The following CHL1 variants were observed in gnomAD, a reference collection of about 807,000 sequenced individuals.
CHL1 encodes neural cell adhesion molecule L1-like protein.
A neutral mutation model predicts 141.9 loss-of-function variants in CHL1; 96 were observed. The observed-to-expected ratio is 0.68, with a 90% CI of 0.57 to 0.80. CHL1 has a LOEUF of 0.80. CHL1 is among the 30% of genes least tolerant of loss of function. The probability of loss-of-function intolerance (pLI) is 0.00; values close to 1 mark genes in which losing one functional copy is unlikely to be tolerated. For synonymous variants in CHL1, 613 were observed against 502.2 expected, an observed-to-expected ratio of 1.22 and a Z score of -2.95; for missense variants, 1,820 against 1,457.2, an observed-to-expected ratio of 1.25 and a Z score of -4.05.
At chr3:269,692 A>C (rs1378346630) in intron 2 of CHL1, among the ~76,000 whole-genome samples, 1 of 152,080 alleles carries the variant, frequency 6.6e-6, no homozygotes, top group Non-Finnish European at 1.5e-5. Flanking sequence ...TGCCCAGCTA[A>C]TTTTATCTTT....
At chr3:280,993 C>T (rs1559194512) in intron 2 of CHL1, among the ~76,000 whole-genome samples, 1 of 151,962 alleles carries the variant, frequency 6.6e-6, no homozygotes, top group Non-Finnish European at 1.5e-5. Flanking sequence ...ATTTTCTAAC[C>T]CAGTAATTCC....
chr3:333,975 G>C lies in CHL1; in HGVS notation c.385+5621G>C, dbSNP rs948376091. Reference sequence around the variant, plus strand: ...TTGTTTGTTTGTTTGTTTTTGTTTTGAGACAGGATCTTGCTCTGTTGCCCA... The same window carrying C: ...TTGTTTGTTTGTTTGTTTTTGTTTTCAGACAGGATCTTGCTCTGTTGCCCA... On this transcript the variant is annotated intron_variant, in intron 5 of 27. Coordinates refer to ENST00000256509, the MANE Select transcript of CHL1 (RefSeq NM_006614.4). Among the ~76,000 whole-genome samples the C allele has an allele frequency of 5.3e-5, 8 of 151,740 alleles. No individual in the cohort carries two copies. In the South Asian group the frequency reaches 8.3e-4, roughly 16 times the overall value.
chr3:394,660 C>T, intron 23 of CHL1, 33 bp from the exon 24 acceptor site: 1 of 1,482,418 alleles, frequency 6.7e-7, no homozygotes, highest in Non-Finnish European at 9.3e-7. Context: ...TGGTTAAATA[C>T]ATTTGAGCTG....
In CHL1 at chr3:346,005, T is replaced by C. The variant is rs113031815; in HGVS notation, c.848+1296T>C. Among the ~76,000 whole-genome samples, 145 of 152,350 alleles carry C rather than the reference T, an allele frequency of 9.5e-4. 2 individuals are homozygous for C. The highest frequency in any genetic ancestry group is 3.3e-3 in the African/African-American group (138 of 41,588). On this transcript the variant is annotated intron_variant, in intron 9 of 27. Coordinates refer to ENST00000256509, the MANE Select transcript of CHL1 (RefSeq NM_006614.4). ...CTTGGGAAAATGCATTCCAGCTTCCTAGCACCTGGGATTACTCATTTGAAA... is the reference window on the plus strand; with the variant it reads ...CTTGGGAAAATGCATTCCAGCTTCCCAGCACCTGGGATTACTCATTTGAAA...
At chr3:205,493 G>A (rs1337752363) in intron 1 of CHL1, among the ~76,000 whole-genome samples, 8 of 152,260 alleles carry the variant, frequency 5.3e-5, no homozygotes, top group African/African-American at 7.2e-5. Flanking sequence ...TAGAGTCACC[G>A]TATAAACTGA....
chr3:298,164 T>C (rs1179329241), intron 2 of CHL1, among the ~76,000 whole-genome samples: 1 of 152,216 alleles, frequency 6.6e-6, no homozygotes, highest in African/African-American at 2.4e-5. Context: ...ATCTCTCTTA[T>C]AATTTTAGTC....
chr3:346,694 T>C (rs1702795403), intron 9 of CHL1, among the ~76,000 whole-genome samples: 1 of 152,204 alleles, frequency 6.6e-6, no homozygotes, highest in African/African-American at 2.4e-5. Flanking sequence ...TAGTTTCTTC[T>C]TACTCATACT....
At chr3:291,258 G>C (rs1403399262) in intron 2 of CHL1, among the ~76,000 whole-genome samples, 1 of 151,854 alleles carries the variant, frequency 6.6e-6, no homozygotes, top group East Asian at 1.9e-4. Flanking sequence ...ATTTATCCTG[G>C]AGACACAAAA....
chr3:401,341 C>T (rs1709111377), intron 26 of CHL1, among the ~76,000 whole-genome samples: 1 of 152,138 alleles, frequency 6.6e-6, no homozygotes, highest in African/African-American at 2.4e-5. Flanking sequence ...TTGGGCTCTT[C>T]CAATAAGACT....
chr3:280,501 A>G (rs539827673), intron 2 of CHL1, among the ~76,000 whole-genome samples: 1 of 152,324 alleles, frequency 6.6e-6, no homozygotes, highest in East Asian at 1.9e-4. Context: ...TAATTTAGAT[A>G]AGAATTAAAG....
At chr3:333,104 C>T (rs1418527295) in intron 5 of CHL1, among the ~76,000 whole-genome samples, 6 of 118,010 alleles carry the variant, frequency 5.1e-5, no homozygotes, top group East Asian at 5.3e-4. Flanking sequence ...ATCTGAGCTA[C>T]GTTGTTGGAT....
At chr3:258,497 G>C (rs921875952) in intron 2 of CHL1, among the ~76,000 whole-genome samples, 5 of 152,122 alleles carry the variant, frequency 3.3e-5, no homozygotes, top group African/African-American at 1.2e-4. Flanking sequence ...GTTCTCCCCT[G>C]TGGAACCATG....
chr3:279,698 T>C (rs1696462985), intron 2 of CHL1, among the ~76,000 whole-genome samples: 1 of 152,132 alleles, frequency 6.6e-6, no homozygotes, highest in Admixed American at 6.6e-5. Context: ...GTTGGAATGA[T>C]TGAAGGAGCA....
chr3:369,744 T>C (rs1188808885), intron 15 of CHL1, among the ~76,000 whole-genome samples: 2 of 152,346 alleles, frequency 1.3e-5, no homozygotes, highest in East Asian at 3.9e-4. Context: ...TTATCATAAA[T>C]AGCTCTTATT....
rs145008542 is a variant in CHL1, at chr3:387,382, C to T, written c.2248-1870C>T. Among the ~76,000 whole-genome samples the T allele has an allele frequency of 1.7e-3, 258 of 152,278 alleles. 2 individuals carry two copies. Among genetic ancestry groups the T allele is most frequent in the African/African-American group, 5.8e-3 (241 of 41,554 alleles). On this transcript the variant is annotated intron_variant, in intron 19 of 27. Coordinates refer to ENST00000256509, the MANE Select transcript of CHL1 (RefSeq NM_006614.4). Reference sequence around the variant, plus strand: ...TTACTCTGCCCTGGCTCCTTTTGTTCTTTCTTGAAGAGATTATTTGGGAAA... The same window carrying T: ...TTACTCTGCCCTGGCTCCTTTTGTTTTTTCTTGAAGAGATTATTTGGGAAA...
intron 2 of CHL1, among the ~76,000 whole-genome samples, chr3:286,151 C>T (rs1697119739): frequency 6.6e-6 from 1 of 152,138 alleles, no homozygotes; most frequent in Admixed American, 6.6e-5. Flanking sequence ...CCCACCCTAC[C>T]CCAGATAACA....
chr3:257,108 G>A (rs1312169105), intron 2 of CHL1, among the ~76,000 whole-genome samples: 1 of 152,062 alleles, frequency 6.6e-6, no homozygotes, highest in East Asian at 1.9e-4. Flanking sequence ...CAAATATGGA[G>A]GCATTAGCTT....
At chr3:319,097 A>T (rs1490154556) in intron 2 of CHL1, among the ~76,000 whole-genome samples, 1 of 151,892 alleles carries the variant, frequency 6.6e-6, no homozygotes, top group Non-Finnish European at 1.5e-5. Context: ...TAGAAGTGGA[A>T]GTCCAACACT....
intron 2 of CHL1, among the ~76,000 whole-genome samples, chr3:276,454 T>C (rs1057073084): frequency 1.3e-5 from 2 of 152,132 alleles, no homozygotes; most frequent in Non-Finnish European, 2.9e-5. Context: ...ATGATTGGAA[T>C]CCAGTGACTC....
Sources: gnomAD v4.1 joint callset for allele counts (sites outside exome capture counted in the v4.1 genomes callset) on GRCh38, gnomAD v4.1.1 for gene constraint, MANE v1.5 for transcripts, NCBI Gene and HGNC (gene_info 2026-07-23, HGNC 2026-07-21) for gene names.